TMEM19: variants seen among roughly 807,000 people sequenced by gnomAD.
The protein encoded by TMEM19 is transmembrane protein 19.
A neutral mutation model predicts 33.6 loss-of-function variants in TMEM19; 21 were observed. That is an observed-to-expected ratio of 0.62 (90% CI 0.44 to 0.90). TMEM19 has a LOEUF of 0.90. Ranked by LOEUF, TMEM19 falls within the 40% of genes least tolerant of loss-of-function variation. TMEM19 has a pLI of 0.00. For synonymous variants in TMEM19, 149 were observed against 147.5 expected (o/e 1.01, Z -0.07); for missense variants, 402 against 401.8 (o/e 1.00, Z 0.00).
chr12:71,693,699 TAGC>T (rs771644067), intron 2 of TMEM19, among the ~76,000 whole-genome samples: 4 of 152,338 alleles, frequency 2.6e-5, no homozygotes, highest in Admixed American at 6.5e-5. Flanking sequence ...TCTTGAATTG[TAGC>T]TCCCATAATT....
intron 1 of TMEM19, among the ~76,000 whole-genome samples, chr12:71,688,453 A>G (rs929162564): frequency 7.9e-5 from 12 of 151,770 alleles, no homozygotes; most frequent in African/African-American, 2.7e-4. Flanking sequence ...TGGGTCTCGA[A>G]CTCCTGACCT....
In TMEM19 at chr12:71,689,672, A is replaced by G. The variant is rs1355236915; in HGVS notation, c.212A>G (p.Lys71Arg). Residue 71 changes from lysine (K) to arginine (R), a missense_variant, in exon 2 of 6, where the codon AAG becomes AGG. Transcript: ENST00000266673. ...PVLIVSNGLK[K>R]KSLDHSGALG... ...CTGATCGTCTCTAATGGCCTTAAAA[A>G]GAAAAGTCTAGATCACAGTGGGGCT... 6.2e-7 allele frequency: 1 copy of G among 1,614,132 alleles called. No individual in the cohort carries two copies. Among genetic ancestry groups the G allele is most frequent in the Admixed American group, 1.7e-5 (1 of 60,026 alleles).
At chr12:71,698,060 A>G (rs1388815577) in intron 4 of TMEM19, among the ~76,000 whole-genome samples, 2 of 152,192 alleles carry the variant, frequency 1.3e-5, no homozygotes, top group Non-Finnish European at 2.9e-5. Context: ...AGTCTATATA[A>G]TGCAAATATT....
intron 1 of TMEM19, among the ~76,000 whole-genome samples, chr12:71,687,082 C>G (rs2137590156): frequency 6.6e-6 from 1 of 151,502 alleles, no homozygotes; most frequent in Admixed American, 6.6e-5. Flanking sequence ...CTAGGCTGGT[C>G]TCAAACCCCT....
At chr12:71,696,348 A>T in intron 2 of TMEM19, 88 bp from the exon 3 acceptor site, 1 of 1,210,440 alleles carries the variant, frequency 8.3e-7, no homozygotes, top group Admixed American at 2.6e-5. Flanking sequence ...AGGTTATAAT[A>T]TAAAAATAAT....
chr12:71,699,207 C>A, intron 5 of TMEM19, 98 bp downstream of exon 5: 1 of 1,348,912 alleles, frequency 7.4e-7, no homozygotes, highest in Non-Finnish European at 1.0e-6. Flanking sequence ...TCCAAAGACA[C>A]AGGGTGTTGA....
chr12:71,689,534 C>G, intron 1 of TMEM19, 57 bp from the exon 2 acceptor site: 1 of 1,394,704 alleles, frequency 7.2e-7, no homozygotes, highest in South Asian at 1.2e-5. Context: ...AGTTTACTGC[C>G]AAAACTAACC....
chr12:71,696,603 A>G, intron 3 of TMEM19, 30 bp downstream of exon 3: 1 of 1,521,808 alleles, frequency 6.6e-7, no homozygotes, highest in South Asian at 1.3e-5. Flanking sequence ...CATTCAAAAT[A>G]GTAAACTTCA....
At chr12:71,689,825 A>G in intron 2 of TMEM19, 121 bp downstream of exon 2, 1 of 704,482 alleles carries the variant, frequency 1.4e-6, no homozygotes, top group Non-Finnish European at 2.3e-6. Context: ...TATATTTTAG[A>G]CAATGATAAA....
rs894612008 is a variant in TMEM19, at chr12:71,703,258, T to C, written c.*2263T>C. On this transcript the variant is annotated 3_prime_UTR_variant, in exon 6 of 6. Transcript: ENST00000266673. The stretch of plus-strand genomic sequence containing the variant: ...TCTAAGCACTAGAACTACATAAGAA[T>C]GTCCTAAAGCACTGTATCTAAGCAC... 8.1e-6 allele frequency: 1 copy of C among 123,096 alleles called. No homozygotes were observed. The highest frequency in any genetic ancestry group is 2.4e-4 in the East Asian group (1 of 4,144). The allele number at this position is 123,096 out of a possible 1,614,324, so 7.6% of individuals were successfully genotyped here. A position where few individuals can be genotyped will look rare whatever the true frequency, so the allele number is the denominator to read the frequency against.
intron 1 of TMEM19, 147 bp downstream of exon 1, chr12:71,686,957 A>T: frequency 2.9e-6 from 2 of 684,766 alleles, no homozygotes; most frequent in Non-Finnish European, 4.6e-6. Context: ...TAACTTACTA[A>T]CATGATAGTA....
At chr12:71,690,710 C>T (rs935836668) in intron 2 of TMEM19, among the ~76,000 whole-genome samples, 2 of 152,188 alleles carry the variant, frequency 1.3e-5, no homozygotes, top group Admixed American at 6.5e-5. Context: ...AGGTGCTTTT[C>T]TCTACGGAGG....
intron 1 of TMEM19, among the ~76,000 whole-genome samples, chr12:71,688,885 G>C (rs1373477684): frequency 6.6e-6 from 1 of 152,178 alleles, no homozygotes; most frequent in Admixed American, 6.5e-5. Flanking sequence ...TGAGGTGTCT[G>C]TCCTCTGACA....
rs189230071 is a variant in TMEM19 at position 71,699,314 on chromosome 12, A to G, written c.847+205A>G. 11 of 618,164 alleles carry G rather than the reference A, an allele frequency of 1.8e-5. No individual in the cohort carries two copies. In the East Asian group the frequency reaches 2.7e-4, roughly 15 times the overall value. 38.3% of individuals were successfully genotyped at this position (618,164 alleles called of 1,614,324 possible). On this transcript the variant is annotated intron_variant, in intron 5 of 5. Coordinates refer to ENST00000266673, the MANE Select transcript of TMEM19 (RefSeq NM_018279.4). ...GAAAGAGAATTAGTCCCGCGCAGCA[A>G]TGATTAGAAGCCATGTGGGGAAGAT...
intron 2 of TMEM19, among the ~76,000 whole-genome samples, chr12:71,692,748 G>A (rs952556334): frequency 2.0e-5 from 3 of 152,072 alleles, no homozygotes; most frequent in Non-Finnish European, 4.4e-5. Context: ...AGGACAAAGA[G>A]TATCTTATGC....
chr12:71,689,103 A>T (rs1881740810), intron 1 of TMEM19, among the ~76,000 whole-genome samples: 1 of 152,254 alleles, frequency 6.6e-6, no homozygotes, highest in South Asian at 2.1e-4. Context: ...CTCCGAAAAT[A>T]TGCATGCATG....
In TMEM19 at chr12:71,703,306, GT is replaced by G. The variant is rs1882017562; in HGVS notation, c.*2315del. The G allele has an allele frequency of 6.7e-6, 1 of 150,028 alleles. No individual in the cohort carries two copies. Among genetic ancestry groups the G allele is most frequent in the Non-Finnish European group, 1.5e-5 (1 of 67,776 alleles). The allele number at this position is 150,028 out of a possible 1,614,324, so 9.3% of individuals were successfully genotyped here. A position where few individuals can be genotyped will look rare whatever the true frequency, so the allele number is the denominator to read the frequency against. ...CACTTGAAAAGAATGGGACTTTTCG[GT>G]TTTAGGGAGATAACTATTAGCAACC... On this transcript the variant is annotated 3_prime_UTR_variant, in exon 6 of 6. Transcript: ENST00000266673.
rs753459062 is a variant in TMEM19, at chr12:71,697,414, T to G, written c.517T>G (p.Cys173Gly). 1 of 1,611,092 alleles carries G rather than the reference T, an allele frequency of 6.2e-7. No individual in the cohort carries two copies. The highest frequency in any genetic ancestry group is 8.5e-7 in the Non-Finnish European group (1 of 1,178,922). The change falls in exon 4 of 6, where the codon TGT becomes GGT. Residue 173 changes from cysteine (C) to glycine (G), a missense_variant. By Grantham distance (159) the Cys-to-Gly change is radical (BLOSUM62 -3). Transcript: ENST00000266673. ...FSKQYSASWM[C>G]LSLLAALACS... The stretch of plus-strand genomic sequence containing the variant: ...CAAGCAGTACTCCGCTTCCTGGATG[T>G]GTTTGTCTCTCTTGGCTGCACTGGC...
chr12:71,693,769 T>G (rs1364624498), intron 2 of TMEM19, among the ~76,000 whole-genome samples: 1 of 152,160 alleles, frequency 6.6e-6, no homozygotes, highest in Non-Finnish European at 1.5e-5. Context: ...GACAGGTCTT[T>G]CCCGTGCTGT....
Sources: gnomAD v4.1 joint callset for allele counts (sites outside exome capture counted in the v4.1 genomes callset) on GRCh38, gnomAD v4.1.1 for gene constraint, MANE v1.5 for transcripts, NCBI Gene and HGNC (gene_info 2026-07-23, HGNC 2026-07-21) for gene names.